RAD51B: variants seen among roughly 807,000 people sequenced by gnomAD.
RAD51B encodes the protein RAD51 paralog B, also known as DNA repair protein RAD51 homolog 2.
Under a neutral mutation model 42.2 loss-of-function variants are expected in RAD51B, and 38 were observed. The observed-to-expected ratio is 0.90, with a 90% CI of 0.70 to 1.18. The LOEUF (loss-of-function observed/expected upper bound fraction) is 1.18, where lower values mean the gene tolerates loss of function less well. Among genes scored for constraint, RAD51B ranks in the 50% most tolerant of loss-of-function variants. RAD51B has a pLI of 0.00. For synonymous variants in RAD51B, 154 were observed against 145.2 expected (o/e 1.06, Z -0.43); for missense variants, 373 against 400.7 (o/e 0.93, Z 0.59).
At chr14:67,872,307 G>C (rs994528198) in intron 5 of RAD51B, among the ~76,000 whole-genome samples, 3 of 78,348 alleles carry the variant, frequency 3.8e-5, no homozygotes, top group African/African-American at 1.0e-4. Context: ...GACAAACAGA[G>C]AGCCAAATCA....
intron 10 of RAD51B, among the ~76,000 whole-genome samples, chr14:68,593,006 C>A (rs1293853639): frequency 6.6e-6 from 1 of 152,160 alleles, no homozygotes; most frequent in Non-Finnish European, 1.5e-5. Flanking sequence ...GAAAGTGGAA[C>A]ATACCAGGTC....
At chr14:67,869,554 A>G (rs376512964) in intron 5 of RAD51B, among the ~76,000 whole-genome samples, 13 of 152,166 alleles carry the variant, frequency 8.5e-5, no homozygotes, top group Non-Finnish European at 5.9e-5. Context: ...TAGCAAGGCA[A>G]GCCAACATTC....
At chr14:68,308,696 T>G (rs972219296) in intron 8 of RAD51B, among the ~76,000 whole-genome samples, 6 of 115,404 alleles carry the variant, frequency 5.2e-5, no homozygotes, top group Admixed American at 9.5e-5. Flanking sequence ...CATTTATATC[T>G]GTGTCATTAA....
intron 7 of RAD51B, among the ~76,000 whole-genome samples, chr14:68,135,573 G>A (rs2077990923): frequency 6.6e-6 from 1 of 152,064 alleles, no homozygotes; most frequent in South Asian, 2.1e-4. Flanking sequence ...TTCTTATTAT[G>A]GTAAGCTTGT....
At chr14:68,229,117 C>T (rs183438235) in intron 7 of RAD51B, among the ~76,000 whole-genome samples, 3 of 152,284 alleles carry the variant, frequency 2.0e-5, no homozygotes, top group East Asian at 1.9e-4. Flanking sequence ...ACCTTTGAGA[C>T]CTAGCTTCAT....
chr14:68,088,912 T>C (rs902938305), intron 7 of RAD51B, among the ~76,000 whole-genome samples: 7 of 152,120 alleles, frequency 4.6e-5, no homozygotes, highest in African/African-American at 1.7e-4. Context: ...AAATACCTTC[T>C]TATGCTTCAT....
At chr14:68,289,105 A>G (rs897179840) in intron 7 of RAD51B, among the ~76,000 whole-genome samples, 4 of 152,222 alleles carry the variant, frequency 2.6e-5, no homozygotes, top group Admixed American at 1.3e-4. Flanking sequence ...ATATCCTGAT[A>G]TAGAAAATTG....
intron 11 of RAD51B, among the ~76,000 whole-genome samples, chr14:68,657,874 G>T (rs1353074379): frequency 6.6e-6 from 1 of 152,210 alleles, no homozygotes; most frequent in East Asian, 1.9e-4. Context: ...GACAAAGATG[G>T]GATAAGAGGA....
chr14:68,617,583 C>T (rs1372577466), intron 10 of RAD51B, among the ~76,000 whole-genome samples: 1 of 152,148 alleles, frequency 6.6e-6, no homozygotes, highest in Non-Finnish European at 1.5e-5. Context: ...CCACAGTTTC[C>T]AACTACAGTC....
At chr14:68,361,327 C>A (rs1039593505) in intron 8 of RAD51B, among the ~76,000 whole-genome samples, 3 of 152,166 alleles carry the variant, frequency 2.0e-5, no homozygotes, top group Non-Finnish European at 4.4e-5. Flanking sequence ...AAGTTAGAAG[C>A]CAGGTCTTAC....
chr14:68,430,869 A>G (rs2084985216), intron 9 of RAD51B, among the ~76,000 whole-genome samples: 1 of 152,024 alleles, frequency 6.6e-6, no homozygotes, highest in Non-Finnish European at 1.5e-5. Context: ...CCCATTCAGT[A>G]TGATATTGGC....
At chr14:68,150,505 AT>A (rs1241919795) in intron 7 of RAD51B, among the ~76,000 whole-genome samples, 2 of 152,016 alleles carry the variant, frequency 1.3e-5, no homozygotes, top group Non-Finnish European at 2.9e-5. Context: ...AAGTTTTATA[AT>A]TTTCTTACAT....
chr14:68,176,201 G>A (rs1426354215), intron 7 of RAD51B, among the ~76,000 whole-genome samples: 1 of 152,150 alleles, frequency 6.6e-6, no homozygotes, highest in Non-Finnish European at 1.5e-5. Context: ...TCTTAGGCAT[G>A]CATCTTGGAA....
At position 68,477,632 on chromosome 14, in the gene RAD51B, T is replaced by C. The variant is rs369949614; in HGVS notation, c.1037-16T>C. ...TTTTTTTTTCAAACTTTCTCTTTTT[T>C]TTTTTTTTCCTTTAGGCCAAGAGAA... On this transcript the variant is annotated splice_polypyrimidine_tract_variant and intron_variant, in intron 10 of 10. Coordinates refer to ENST00000471583, the MANE Select transcript of RAD51B (RefSeq NM_133510.4). 1,782 of 1,607,140 alleles carry C rather than the reference T, an allele frequency of 1.1e-3. 28 individuals carry two copies. The African/African-American group carries it at 0.022, about 20-fold the overall frequency.
At chr14:68,241,113 C>T (rs953700393) in intron 7 of RAD51B, among the ~76,000 whole-genome samples, 4 of 152,292 alleles carry the variant, frequency 2.6e-5, no homozygotes, top group Non-Finnish European at 5.9e-5. Context: ...CTCTGGGAGG[C>T]GGAGAAACCC....
intron 7 of RAD51B, among the ~76,000 whole-genome samples, chr14:67,888,236 G>A (rs942424660): frequency 6.6e-6 from 1 of 152,116 alleles, no homozygotes; most frequent in Non-Finnish European, 1.5e-5. Context: ...TTTGTCTTGG[G>A]TGATGTTCAT....
intron 7 of RAD51B, among the ~76,000 whole-genome samples, chr14:68,213,187 T>C (rs2079747110): frequency 6.6e-6 from 1 of 152,242 alleles, no homozygotes; most frequent in Admixed American, 6.5e-5. Flanking sequence ...GATTTGCTAA[T>C]AACAACCATA....
At chr14:68,470,919 A>G (rs2086107704) in intron 10 of RAD51B, among the ~76,000 whole-genome samples, 1 of 152,202 alleles carries the variant, frequency 6.6e-6, no homozygotes, top group Admixed American at 6.5e-5. Context: ...AGATCTCCAC[A>G]TACTGCAACA....
At chr14:67,942,358 C>A (rs919871124) in intron 7 of RAD51B, among the ~76,000 whole-genome samples, 8 of 152,094 alleles carry the variant, frequency 5.3e-5, no homozygotes, top group African/African-American at 1.9e-4. Context: ...AAACTTCTAA[C>A]AAATAAACAT....
Sources: allele counts gnomAD v4.1 joint callset (sites outside exome capture counted in the v4.1 genomes callset), GRCh38; gene constraint gnomAD v4.1.1; transcripts MANE v1.5; gene names NCBI Gene and HGNC (gene_info 2026-07-23, HGNC 2026-07-21).